The following DACH2 variants were observed in gnomAD, a reference collection of about 807,000 sequenced individuals.
The protein encoded by DACH2 is dachshund homolog 2.
A neutral mutation model predicts 35.8 loss-of-function variants in DACH2; 17 were observed. That is an observed-to-expected ratio of 0.48 (90% CI 0.33 to 0.71). DACH2 has a LOEUF of 0.71. Ranked by LOEUF, DACH2 falls within the 30% of genes least tolerant of loss-of-function variation. The pLI, the probability that DACH2 is intolerant of heterozygous loss-of-function variation, is 0.02. For synonymous variants in DACH2, 195 were observed against 177.3 expected (o/e 1.10, Z -0.79); for missense variants, 469 against 472.7 (o/e 0.99, Z 0.07).
At chrX:86,518,954 G>C (rs2038512491) in intron 3 of DACH2, among the ~76,000 whole-genome samples, 1 of 112,066 alleles carries the variant, frequency 8.9e-6, no homozygotes, top group African/African-American at 3.2e-5. Flanking sequence ...AGTTCAGAAA[G>C]GGCATCCTTA....
At chrX:86,300,853 C>A (rs868231469) in intron 1 of DACH2, among the ~76,000 whole-genome samples, 1 of 111,870 alleles carries the variant, frequency 8.9e-6, no homozygotes, top group Non-Finnish European at 1.9e-5. Flanking sequence ...TTTCTGTGCT[C>A]ATTCAGCTTC....
chrX:86,830,088 C>A (rs1306730762), intron 11 of DACH2: 3 of 111,796 alleles, frequency 2.7e-5, no homozygotes, highest in Non-Finnish European at 5.7e-5. Context: ...AGCTACTACT[C>A]CTCTCTGTTT....
At chrX:86,654,727 G>C (rs1460165603) in intron 4 of DACH2, among the ~76,000 whole-genome samples, 1 of 111,189 alleles carries the variant, frequency 9.0e-6, no homozygotes, top group East Asian at 2.8e-4. Flanking sequence ...TAAATCTTGA[G>C]AACAAGGTAC....
At chrX:86,667,626 C>CAGG (rs1569463779) in intron 4 of DACH2, among the ~76,000 whole-genome samples, 2 of 107,964 alleles carry the variant, frequency 1.9e-5, no homozygotes, top group Non-Finnish European at 1.9e-5. Context: ...GGCAGGCAGG[C>CAGG]CCTGGTCTTA....
At chrX:86,644,230 G>A (rs1055637002) in intron 3 of DACH2, among the ~76,000 whole-genome samples, 2 of 110,869 alleles carry the variant, frequency 1.8e-5, no homozygotes, top group Non-Finnish European at 3.8e-5. Flanking sequence ...AAAGTTGCAG[G>A]ATACAAAATC....
At chrX:86,401,717 C>CA (rs762581376) in intron 2 of DACH2, among the ~76,000 whole-genome samples, 7,501 of 52,425 alleles carry the variant, frequency 0.14, 685 homozygotes, top group African/African-American at 0.35. Flanking sequence ...GAGACAGTGA[C>CA]AAAAAAAAAA....
intron 11 of DACH2, among the ~76,000 whole-genome samples, chrX:86,822,734 G>A (rs1007761330): frequency 5.4e-5 from 6 of 111,345 alleles, no homozygotes; most frequent in Admixed American, 9.6e-5. Context: ...GTCTAAAACC[G>A]GGTGTAATTT....
At chrX:86,826,463 G>A (rs780799958) in intron 11 of DACH2, among the ~76,000 whole-genome samples, 25 of 100,948 alleles carry the variant, frequency 2.5e-4, no homozygotes, top group Non-Finnish European at 3.6e-4. Flanking sequence ...AATATGTCAT[G>A]TTCTAAAAAT....
chrX:86,279,325 G>A (rs1167196678), intron 1 of DACH2, among the ~76,000 whole-genome samples: 4 of 112,010 alleles, frequency 3.6e-5, no homozygotes, highest in East Asian at 2.8e-4. Context: ...GCCCCTCTGG[G>A]ATGAAGCTTC....
intron 1 of DACH2, among the ~76,000 whole-genome samples, chrX:86,283,143 G>C (rs2034069188): frequency 9.3e-6 from 1 of 107,252 alleles, no homozygotes; most frequent in Non-Finnish European, 1.9e-5. Context: ...CTTCATCACT[G>C]GTCATTAGAG....
intron 6 of DACH2, among the ~76,000 whole-genome samples, chrX:86,732,246 G>A (rs918502940): frequency 3.6e-5 from 4 of 111,842 alleles, no homozygotes; most frequent in Admixed American, 1.9e-4. Flanking sequence ...ACCCAGAAAG[G>A]ACAGCTACTA....
intron 1 of DACH2, among the ~76,000 whole-genome samples, chrX:86,257,447 C>CT (rs1346379702): frequency 4.5e-3 from 479 of 105,793 alleles, no homozygotes; most frequent in Non-Finnish European, 6.9e-3. Context: ...GAACCAATTT[C>CT]TTTTTTTTTT....
intron 3 of DACH2, among the ~76,000 whole-genome samples, chrX:86,558,229 G>C (rs1216141544): frequency 0.019 from 899 of 48,416 alleles, 196 homozygotes; most frequent in Non-Finnish European, 0.024. Flanking sequence ...CTGTTTATAT[G>C]CGGGATTACA....
intron 3 of DACH2, among the ~76,000 whole-genome samples, chrX:86,630,919 G>A (rs985833038): frequency 9.0e-6 from 1 of 111,565 alleles, no homozygotes; most frequent in East Asian, 2.8e-4. Flanking sequence ...TTGTTTTGGT[G>A]AGGCAAGTGG....
intron 1 of DACH2, among the ~76,000 whole-genome samples, chrX:86,249,444 G>T (rs1302814876): frequency 9.0e-6 from 1 of 111,363 alleles, no homozygotes; most frequent in Admixed American, 9.5e-5. Context: ...ACAAGCATAT[G>T]AAAAAATGTT....
chrX:86,579,060 T>A (rs1029955848), intron 3 of DACH2, among the ~76,000 whole-genome samples: 4 of 111,224 alleles, frequency 3.6e-5, no homozygotes, highest in Non-Finnish European at 7.5e-5. Flanking sequence ...TTTGGTGCAG[T>A]ATGAGTATGT....
intron 7 of DACH2, among the ~76,000 whole-genome samples, chrX:86,765,546 G>A (rs930106803): frequency 9.1e-6 from 1 of 109,802 alleles, no homozygotes; most frequent in African/African-American, 3.3e-5. Context: ...GTTTGGAGAC[G>A]TGAAGCATTA....
rs771394859 is a variant in DACH2, at chrX:86,679,590, G to GTC, written c.773-15411_773-15410dup. Among the ~76,000 whole-genome samples the GTC allele has an allele frequency of 6.7e-3, 663 of 98,386 alleles. 2 individuals are homozygous for GTC. Among genetic ancestry groups the GTC allele is most frequent in the African/African-American group, 7.6e-3 (205 of 26,873 alleles). 85.4% of individuals were successfully genotyped at this position (98,386 alleles called of 115,157 possible). ...TCAGTGCCAGGCATAGGTTTTATAT[G>GTC]TCTCTCTCTCTCTCTCTCTCTGTCT... is the stretch of plus-strand genomic sequence containing the variant. On this transcript the variant is annotated intron_variant, in intron 4 of 11. Transcript: ENST00000373125.
intron 3 of DACH2, among the ~76,000 whole-genome samples, chrX:86,608,324 G>A (rs2039886633): frequency 8.9e-6 from 1 of 111,789 alleles, no homozygotes; most frequent in Admixed American, 9.5e-5. Context: ...TGGTGGGACT[G>A]TAAACTAGTT....
Sources: allele counts gnomAD v4.1 joint callset (sites outside exome capture counted in the v4.1 genomes callset), GRCh38; gene constraint gnomAD v4.1.1; transcripts MANE v1.5; gene names NCBI Gene and HGNC (gene_info 2026-07-23, HGNC 2026-07-21).